CMPK1: variants seen among roughly 807,000 people sequenced by gnomAD.
The protein encoded by CMPK1 is cytidine/uridine monophosphate kinase 1.
In CMPK1, 10 loss-of-function variants were observed where a neutral mutation model predicts 25.7. That is an observed-to-expected ratio of 0.39 (90% CI 0.24 to 0.66). The LOEUF is 0.66. Ranked by LOEUF, CMPK1 falls within the 30% of genes least tolerant of loss-of-function variation. The pLI, the probability that CMPK1 is intolerant of heterozygous loss-of-function variation, is 0.48. For missense variants in CMPK1, 199 were observed against 280.5 expected (o/e 0.71, Z 2.08); for synonymous variants, 106 against 101.5 (o/e 1.04, Z -0.27).
rs1557434415 is a variant in CMPK1, at chr1:47,375,275, T to C, written c.627T>C (p.Ala209=). 1 of 1,593,706 alleles carries C rather than the reference T, an allele frequency of 6.3e-7. No individual in the cohort carries two copies. The highest frequency in any genetic ancestry group is 1.7e-4 in the Middle Eastern group (1 of 6,008). Residue 209 remains alanine, a synonymous_variant, in exon 5 of 6, where the codon GCT becomes GCC. Transcript: ENST00000371873. ...TGGGGAAAGTCAAGAAAATAGATGC[T>C]TCTAAATCTGTTGATGAAGTAAGTG... The part of the protein sequence containing the change: ...EEMGKVKKID[A]SKSVDEVFDE...
chr1:47,346,132 C>T (rs537679165), intron 1 of CMPK1, among the ~76,000 whole-genome samples: 1 of 152,042 alleles, frequency 6.6e-6, no homozygotes, highest in Non-Finnish European at 1.5e-5. Flanking sequence ...TCACTGCAAC[C>T]TCTGCCTCCC....
rs1646444168 is a variant in CMPK1 at position 47,341,886 on chromosome 1, G to T, written c.171+7770G>T. On this transcript the variant is annotated intron_variant, in intron 1 of 5. Transcript: ENST00000371873. ...TCCACCCACCTCAGTCTCCCAAAGT[G>T]CTGGGATTACAGGTGTGAACCACTG... Among the ~76,000 whole-genome samples, 3 of 151,946 alleles carry T rather than the reference G, an allele frequency of 2.0e-5. No homozygotes were observed. The South Asian group carries it at 6.2e-4, about 32-fold the overall frequency.
chr1:47,344,421 A>G (rs2149326145), intron 1 of CMPK1, among the ~76,000 whole-genome samples: 1 of 152,288 alleles, frequency 6.6e-6, no homozygotes, highest in Non-Finnish European at 1.5e-5. Flanking sequence ...AGGCTGACTC[A>G]AAAAACACTC....
At chr1:47,347,794 AATTTTTGTTT>A (rs1235554110) in intron 1 of CMPK1, among the ~76,000 whole-genome samples, 2 of 152,048 alleles carry the variant, frequency 1.3e-5, no homozygotes, top group African/African-American at 4.8e-5. Flanking sequence ...ATGCCTGGCT[AATTTTTGTTT>A]ATTATTAGTA....
At chr1:47,355,826 T>C (rs3125645) in intron 1 of CMPK1, among the ~76,000 whole-genome samples, 147,794 of 151,790 alleles carry the variant, frequency 0.97, 72,043 homozygotes, top group East Asian at 1. Context: ...AGGCTGGTCT[T>C]GAATTTGACC....
chr1:47,363,821 T>C (rs113210432), intron 1 of CMPK1, among the ~76,000 whole-genome samples: 1 of 152,052 alleles, frequency 6.6e-6, no homozygotes, highest in African/African-American at 2.4e-5. Flanking sequence ...CGGGCACCTA[T>C]AGTCCCAGCT....
intron 1 of CMPK1, among the ~76,000 whole-genome samples, chr1:47,367,731 G>A (rs1242745778): frequency 6.6e-6 from 1 of 152,004 alleles, no homozygotes; most frequent in Non-Finnish European, 1.5e-5. Context: ...AAAGGAACTT[G>A]CAAGTTTATG....
intron 1 of CMPK1, chr1:47,358,364 T>C: frequency 8.5e-7 from 1 of 1,182,538 alleles, no homozygotes; most frequent in South Asian, 1.3e-5. Context: ...CCTCTCGTCT[T>C]GACCTTCCAA....
intron 1 of CMPK1, among the ~76,000 whole-genome samples, chr1:47,364,060 C>T (rs925506665): frequency 5.9e-5 from 9 of 152,170 alleles, no homozygotes; most frequent in South Asian, 2.1e-4. Flanking sequence ...TGGATGACCT[C>T]CCCCCATAGT....
intron 1 of CMPK1, among the ~76,000 whole-genome samples, chr1:47,363,552 C>T (rs541335051): frequency 6.6e-6 from 1 of 152,170 alleles, no homozygotes; most frequent in Non-Finnish European, 1.5e-5. Context: ...GCAGGAGAAT[C>T]GCTTGAACCC....
intron 2 of CMPK1, among the ~76,000 whole-genome samples, 156 bp downstream of exon 2, chr1:47,368,771 A>G (rs1281645673): frequency 1.3e-5 from 2 of 152,124 alleles, no homozygotes; most frequent in Non-Finnish European, 2.9e-5. Context: ...ACCAGCCTGG[A>G]CAACCTAGTG....
intron 1 of CMPK1, among the ~76,000 whole-genome samples, chr1:47,361,190 A>G (rs1023472293): frequency 6.6e-6 from 1 of 152,174 alleles, no homozygotes; most frequent in African/African-American, 2.4e-5. Flanking sequence ...AGTGATCAAG[A>G]CCATCCAGGC....
chr1:47,365,633 C>CAAAAAAAAAA (rs10623948), intron 1 of CMPK1, among the ~76,000 whole-genome samples: 19,336 of 106,766 alleles, frequency 0.18, 2,329 homozygotes, highest in Non-Finnish European at 0.25. Flanking sequence ...GACCCTGTCT[C>CAAAAAAAAAA]AAAAAAAAAA....
At chr1:47,374,507 A>G (rs1646695514) in intron 3 of CMPK1, among the ~76,000 whole-genome samples, 1 of 152,276 alleles carries the variant, frequency 6.6e-6, no homozygotes, top group Non-Finnish European at 1.5e-5. Context: ...TTCAAATGCA[A>G]ATATGTTGAC....
At chr1:47,358,274 G>A (rs1646577264) in intron 1 of CMPK1, 1 of 497,028 alleles carries the variant, frequency 2.0e-6, no homozygotes, top group African/African-American at 2.0e-5. Context: ...CACCATGACA[G>A]GCTAATTTTT....
intron 1 of CMPK1, among the ~76,000 whole-genome samples, chr1:47,360,902 C>T (rs1646596841): frequency 6.6e-6 from 1 of 152,076 alleles, no homozygotes; most frequent in Non-Finnish European, 1.5e-5. Context: ...AGATTGTGCT[C>T]CATCTTTGAG....
chr1:47,336,530 T>G (rs1018807546), intron 1 of CMPK1, among the ~76,000 whole-genome samples: 1 of 152,184 alleles, frequency 6.6e-6, no homozygotes, highest in Non-Finnish European at 1.5e-5. Flanking sequence ...TTTGTTGTTG[T>G]TGTTTGTTTT....
At chr1:47,340,149 G>T (rs1377718116) in intron 1 of CMPK1, among the ~76,000 whole-genome samples, 1 of 149,398 alleles carries the variant, frequency 6.7e-6, no homozygotes, top group Non-Finnish European at 1.5e-5. Flanking sequence ...TGGCACAATC[G>T]TGGCTCATTC....
chr1:47,334,303 G>A (rs889100665), intron 1 of CMPK1, among the ~76,000 whole-genome samples, 187 bp downstream of exon 1: 1 of 151,874 alleles, frequency 6.6e-6, no homozygotes, highest in Non-Finnish European at 1.5e-5. Context: ...CTTGTAGTCC[G>A]CGCCCGCCCG....
Sources: gnomAD v4.1 joint callset for allele counts (sites outside exome capture counted in the v4.1 genomes callset) on GRCh38, gnomAD v4.1.1 for gene constraint, MANE v1.5 for transcripts, NCBI Gene and HGNC (gene_info 2026-07-23, HGNC 2026-07-21) for gene names.